Variants in BRD1 observed in about 807,000 individuals in gnomAD.
BRD1 encodes bromodomain-containing protein 1.
A neutral mutation model predicts 107.7 loss-of-function variants in BRD1; 24 were observed. The observed-to-expected ratio is 0.22, with a 90% CI of 0.16 to 0.31. BRD1 has a LOEUF of 0.31. BRD1 is among the 10% of genes least tolerant of loss of function. BRD1 has a pLI of 1.00. For missense variants in BRD1, 1,279 were observed against 1,638.6 expected (o/e 0.78, Z 3.79); for synonymous variants, 744 against 686.1 (o/e 1.08, Z -1.32).
intron 3 of BRD1, 140 bp downstream of exon 3, chr22:49,804,064 G>A (rs1156894660): frequency 1.2e-5 from 8 of 665,526 alleles, no homozygotes; most frequent in Admixed American, 1.1e-4. Flanking sequence ...TACAGCTCCA[G>A]GGCTGGACGA....
At chr22:49,785,273 C>A (rs563226509) in intron 8 of BRD1, among the ~76,000 whole-genome samples, 18 of 152,390 alleles carry the variant, frequency 1.2e-4, no homozygotes, top group African/African-American at 3.4e-4. Context: ...GTGGAAACCA[C>A]CACGTGAGCA....
In BRD1 at chr22:49,807,901, G is replaced by A. The variant is rs78812982; in HGVS notation, c.1368-3541C>T. Among the ~76,000 whole-genome samples the A allele has an allele frequency of 0.024, 3,718 of 152,166 alleles. 334 individuals are homozygous for A. The East Asian group carries it at 0.3, about 12-fold the overall frequency. On this transcript the variant is annotated intron_variant, in intron 2 of 12. Transcript: ENST00000404760. ...CAAAAAATAATCCAATTCAAAACTG[G>A]TTAAAATACTCAAATAGACAATTCT... is the stretch of plus-strand genomic sequence containing the variant.
At position 49,776,135 on chromosome 22, in the gene BRD1, A is replaced by G; in HGVS notation, c.3146T>C (p.Ile1049Thr). ...CACCGAGGCGGCGGCATCAGTGGAG[A>G]TCCACATGCTGCTCTGGCCGACTTC... ...AAEVGQSSMW[I>T]STDAAASVLE... The change falls in exon 11 of 13, where the codon ATC (isoleucine) becomes ACC (threonine). Residue 1049 changes from isoleucine (I) to threonine (T), a missense_variant. By Grantham distance (89) the Ile-to-Thr change is moderately conservative (BLOSUM62 -1). Transcript: ENST00000404760. 6.2e-7 allele frequency: 1 copy of G among 1,605,892 alleles called. No homozygotes were observed. The highest frequency in any genetic ancestry group is 8.5e-7 in the Non-Finnish European group (1 of 1,179,750).
chr22:49,786,920 C>G (rs1445630070), intron 8 of BRD1, among the ~76,000 whole-genome samples: 1 of 152,082 alleles, frequency 6.6e-6, no homozygotes, highest in Non-Finnish European at 1.5e-5. Context: ...CAGCGAGACC[C>G]CCATCTCTAC....
chr22:49,774,383 A>G lies in BRD1; in HGVS notation c.3420T>C (p.Leu1140=), dbSNP rs779185443. The change falls in exon 13 of 13, where the codon CTT becomes CTC. Residue 1140 remains leucine, a synonymous_variant. Transcript: ENST00000404760. ...ACTTGTCTATAGTTTCGTCAATACC[A>G]AGGGGAACCATTTTGGACTTAGGAA... ...QWLPKSKMVP[L]GIDETIDKLK... is the part of the protein sequence containing the mutation. 6.2e-7 allele frequency: 1 copy of G among 1,612,254 alleles called. No individual in the cohort carries two copies. The highest frequency in any genetic ancestry group is 8.5e-7 in the Non-Finnish European group (1 of 1,179,170).
Position 49,777,043 on chromosome 22 carries a change from T to C in BRD1, c.3112A>G (p.Ile1038Val). The C allele has an allele frequency of 6.2e-7, 1 of 1,613,142 alleles. No individual in the cohort carries two copies. Among genetic ancestry groups the C allele is most frequent in the Non-Finnish European group, 8.5e-7 (1 of 1,179,990 alleles). Reference sequence around the variant, plus strand: ...GGTCCGGGCGACTCACCGGCTGCGATCCTGGCCGCCTTGGCGTAGTTCCCA... The same window carrying C: ...GGTCCGGGCGACTCACCGGCTGCGACCCTGGCCGCCTTGGCGTAGTTCCCA... The part of the protein sequence containing the change: ...ENGNYAKAAR[I>V]AAEVGQSSMW... The change falls in exon 10 of 13, where the codon ATC (isoleucine) becomes GTC (valine). Residue 1038 changes from isoleucine (I) to valine (V), a missense_variant. Transcript: ENST00000404760.
At chr22:49,815,935 G>A (rs2059942543) in intron 2 of BRD1, among the ~76,000 whole-genome samples, 1 of 152,172 alleles carries the variant, frequency 6.6e-6, no homozygotes, top group African/African-American at 2.4e-5. Flanking sequence ...GTGGCCTCAT[G>A]GCCCCTGCCA....
At chr22:49,816,431 C>T (rs913431785) in intron 2 of BRD1, among the ~76,000 whole-genome samples, 1 of 152,202 alleles carries the variant, frequency 6.6e-6, no homozygotes, top group Non-Finnish European at 1.5e-5. Flanking sequence ...CTCAACGCCC[C>T]CAAGACAGAA....
In BRD1 at chr22:49,787,745, A is replaced by G. The variant is rs1470474243; in HGVS notation, c.2502T>C (p.Asp834=). ...GAGTGCAAGCGCTATGTGATTCATT[A>G]TCAAATGTGACTCTTTTGAAAAGTT... ...QSKLFKRVTF[D]NESHSACTQS... is the part of the protein sequence containing the mutation. Residue 834 remains aspartate, a synonymous_variant, in exon 8 of 13, where the codon GAT becomes GAC. Coordinates refer to ENST00000404760, the MANE Select transcript of BRD1 (RefSeq NM_001304808.3). 29 of 1,550,744 alleles carry G rather than the reference A, an allele frequency of 1.9e-5. No individual in the cohort carries two copies. Among genetic ancestry groups the G allele is most frequent in the Admixed American group, 3.9e-5 (2 of 50,992 alleles).
At position 49,824,927 on chromosome 22, in the gene BRD1, T is replaced by A; in HGVS notation, c.-14-596A>T. 1.8e-6 allele frequency: 1 copy of A among 571,088 alleles called. No individual in the cohort carries two copies. The highest frequency in any genetic ancestry group is 2.2e-6 in the Non-Finnish European group (1 of 446,986). 35.4% of individuals were successfully genotyped at this position (571,088 alleles called of 1,614,324 possible). A position where few individuals can be genotyped will look rare whatever the true frequency, so the allele number is the denominator to read the frequency against. ...CAGGGGTAGGAGACAGATCACAGCCTGTCCATCCTCTATAGACAGGCCCTC... is the reference window on the plus strand; with the variant it reads ...CAGGGGTAGGAGACAGATCACAGCCAGTCCATCCTCTATAGACAGGCCCTC... On this transcript the variant is annotated intron_variant, in intron 1 of 12. Transcript: ENST00000404760. The surrounding 1 kb of genome is among the most constrained non-coding windows in gnomAD (Gnocchi z 5.9).
At chr22:49,810,151 A>C (rs553619289) in intron 2 of BRD1, among the ~76,000 whole-genome samples, 18 of 152,330 alleles carry the variant, frequency 1.2e-4, no homozygotes, top group East Asian at 1.2e-3. Context: ...AGAAAGAAAG[A>C]AAGCGAGCGA....
At chr22:49,787,361 C>T (rs2059349658) in intron 8 of BRD1, 29 bp downstream of exon 8, 4 of 1,413,184 alleles carry the variant, frequency 2.8e-6, no homozygotes, top group South Asian at 1.1e-5. Flanking sequence ...TCGGCAAGGG[C>T]GCCTCTCAGG....
chr22:49,821,170 G>C (rs1001821619), intron 2 of BRD1, among the ~76,000 whole-genome samples: 1 of 152,228 alleles, frequency 6.6e-6, no homozygotes, highest in Non-Finnish European at 1.5e-5. Context: ...AACATCAGGA[G>C]CCAAAGAACA....
At chr22:49,779,138 C>A (rs535842207) in intron 8 of BRD1, among the ~76,000 whole-genome samples, 3 of 152,280 alleles carry the variant, frequency 2.0e-5, no homozygotes, top group Non-Finnish European at 4.4e-5. Flanking sequence ...CAATGGACTC[C>A]ATGGCTCACT....
chr22:49,809,476 G>A (rs987713707), intron 2 of BRD1, among the ~76,000 whole-genome samples: 5 of 151,086 alleles, frequency 3.3e-5, no homozygotes, highest in Admixed American at 1.3e-4. Context: ...GGGAGGCGGA[G>A]GTTGTAGTGA....
chr22:49,822,302 G>A (rs1025089874), intron 2 of BRD1, among the ~76,000 whole-genome samples: 3 of 152,196 alleles, frequency 2.0e-5, no homozygotes, highest in East Asian at 1.9e-4. Flanking sequence ...GCACACGCCT[G>A]TAGTCCCAGC....
At chr22:49,822,310 A>T (rs2060082521) in intron 2 of BRD1, among the ~76,000 whole-genome samples, 1 of 152,130 alleles carries the variant, frequency 6.6e-6, no homozygotes, top group Non-Finnish European at 1.5e-5. Flanking sequence ...CTGTAGTCCC[A>T]GCTACTCAGG....
At chr22:49,818,496 A>C in intron 2 of BRD1, 1 of 573,344 alleles carries the variant, frequency 1.7e-6, no homozygotes, top group Non-Finnish European at 2.3e-6. Context: ...ATGAACTCTC[A>C]TGTGAATGAG....
intron 2 of BRD1, among the ~76,000 whole-genome samples, chr22:49,811,142 AC>A (rs1237436091): frequency 6.6e-6 from 1 of 151,672 alleles, no homozygotes; most frequent in African/African-American, 2.4e-5. Context: ...AACAAAAAAA[AC>A]ACATTTCATA....
Sources: gnomAD v4.1 joint callset for allele counts (sites outside exome capture counted in the v4.1 genomes callset) on GRCh38, gnomAD v4.1.1 for gene constraint, Gnocchi (gnomAD v3.1) non-coding constraint, MANE v1.5 for transcripts, NCBI Gene and HGNC (gene_info 2026-07-23, HGNC 2026-07-21) for gene names.